The following LRP1B variants were observed in gnomAD, a reference collection of about 807,000 sequenced individuals.
LRP1B encodes the protein low-density lipoprotein receptor-related protein 1B.
LRP1B carries 217 observed loss-of-function variants against 556.6 expected under a neutral mutation model. The ratio of observed to expected loss-of-function variants is 0.39; its 90% CI spans 0.35 to 0.44. LRP1B has a LOEUF of 0.44. LRP1B is among the 20% of genes least tolerant of loss of function. The pLI is 1.00. For missense variants in LRP1B, 5,053 were observed against 5,620.8 expected, an observed-to-expected ratio of 0.90 and a Z score of 3.23; for synonymous variants, 2,047 against 1,865.8, an observed-to-expected ratio of 1.10 and a Z score of -2.50.
chr2:140,390,276 A>G (rs990542961), intron 66 of LRP1B, among the ~76,000 whole-genome samples: 2 of 152,218 alleles, frequency 1.3e-5, no homozygotes, highest in African/African-American at 4.8e-5. Flanking sequence ...AGAATGTACT[A>G]TTGGACAAAA....
chr2:141,929,729 G>C (rs1340659234), intron 1 of LRP1B, among the ~76,000 whole-genome samples: 9 of 151,806 alleles, frequency 5.9e-5, no homozygotes, highest in African/African-American at 2.2e-4. Context: ...TCTTAGGACA[G>C]AACGTATGCA....
At chr2:141,799,631 G>A (rs1558883686) in intron 2 of LRP1B, among the ~76,000 whole-genome samples, 1 of 152,038 alleles carries the variant, frequency 6.6e-6, no homozygotes, top group Non-Finnish European at 1.5e-5. Flanking sequence ...GCCTTGTGAG[G>A]CCTTATGGAT....
chr2:142,030,496 AAATG>A (rs1464298679), intron 1 of LRP1B, among the ~76,000 whole-genome samples: 1 of 151,968 alleles, frequency 6.6e-6, no homozygotes, highest in Admixed American at 6.6e-5. Flanking sequence ...GATACTGAGA[AAATG>A]ATGAAAATGA....
intron 1 of LRP1B, among the ~76,000 whole-genome samples, chr2:142,001,742 C>A (rs537406490): frequency 1.8e-3 from 269 of 152,252 alleles, no homozygotes; most frequent in Non-Finnish European, 2.8e-3. Context: ...TGTCCATAAT[C>A]CAATGGTAAT....
At chr2:140,828,433 C>T (rs569236399) in intron 31 of LRP1B, among the ~76,000 whole-genome samples, 7 of 144,810 alleles carry the variant, frequency 4.8e-5, no homozygotes, top group Non-Finnish European at 1.1e-4. Flanking sequence ...CACGGTGAAA[C>T]CCCGTCTCTA....
intron 2 of LRP1B, among the ~76,000 whole-genome samples, chr2:141,686,843 G>A (rs542829969): frequency 2.0e-5 from 3 of 151,866 alleles, no homozygotes; most frequent in Non-Finnish European, 4.4e-5. Flanking sequence ...TATAGGAAGA[G>A]GAAGACAGAC....
chr2:141,901,467 A>G lies in LRP1B; in HGVS notation c.83-91066T>C, dbSNP rs183797554. Among the ~76,000 whole-genome samples the G allele has an allele frequency of 1.1e-4, 16 of 152,128 alleles. No individual in the cohort carries two copies. The East Asian group carries it at 3.1e-3, about 29-fold the overall frequency. On this transcript the variant is annotated intron_variant, in intron 1 of 90. Transcript: ENST00000389484. ...AACTTTAGGTGTCAGTATAAAAAGC[A>G]TGAACAATTTCTCATGGATAATTTC...
At chr2:141,549,022 G>A (rs1287721455) in intron 2 of LRP1B, among the ~76,000 whole-genome samples, 1 of 152,128 alleles carries the variant, frequency 6.6e-6, no homozygotes, top group Non-Finnish European at 1.5e-5. Context: ...ATGTCATGAT[G>A]AGTTTTTGAA....
chr2:141,392,396 C>T (rs1201068626), intron 3 of LRP1B, among the ~76,000 whole-genome samples: 1 of 126,122 alleles, frequency 7.9e-6, no homozygotes, highest in Non-Finnish European at 1.6e-5. Flanking sequence ...GGTAAAAAAA[C>T]AAATCATCCT....
intron 41 of LRP1B, among the ~76,000 whole-genome samples, chr2:140,604,782 G>A (rs546382163): frequency 3.1e-4 from 47 of 151,822 alleles, no homozygotes; most frequent in Non-Finnish European, 5.0e-4. Context: ...GGACCCAGTC[G>A]GGGGTAATTG....
intron 3 of LRP1B, among the ~76,000 whole-genome samples, chr2:141,450,443 G>T (rs1187174763): frequency 6.6e-6 from 1 of 152,046 alleles, no homozygotes; most frequent in African/African-American, 2.4e-5. Context: ...GGTTACAAAT[G>T]AGTTGATGTG....
At chr2:140,705,565 G>GACAC (rs1369026772) in intron 37 of LRP1B, among the ~76,000 whole-genome samples, 1 of 98,450 alleles carries the variant, frequency 1.0e-5, no homozygotes, top group African/African-American at 4.3e-5. Context: ...AAAAAACACA[G>GACAC]ACACACACAG....
chr2:141,581,294 T>C (rs1686950645), intron 2 of LRP1B, among the ~76,000 whole-genome samples: 1 of 152,222 alleles, frequency 6.6e-6, no homozygotes. Context: ...GAGAATTGTT[T>C]AAAAACGATT....
chr2:140,274,544 C>T lies in LRP1B; in HGVS notation c.13022G>A (p.Gly4341Glu). 2 of 1,612,560 alleles carry T rather than the reference C, an allele frequency of 1.2e-6. No individual in the cohort carries two copies. Among genetic ancestry groups the T allele is most frequent in the Non-Finnish European group, 1.7e-6 (2 of 1,179,048 alleles). Residue 4341 changes from glycine (G) to glutamate (E), a missense_variant, in exon 85 of 91, where the codon GGA becomes GAA. Physicochemically the swap from Gly to Glu is moderately conservative, Grantham distance 98. This residue lies in a region of LRP1B where 551 missense variants were observed against 592.0 expected (regional missense o/e 0.93). Transcript: ENST00000389484. ...CGTTGGACAGACACATTCAACACTT[C>T]CATCATCCCCAATGGTACATGATTC... ...NSESCTIGDDGSVECVCPTRY... is the reference protein window; with the variant it reads ...NSESCTIGDDESVECVCPTRY...
At chr2:140,233,444 T>A in intron 90 of LRP1B, 118 bp from the exon 91 acceptor site, 19 of 590,148 alleles carry the variant, frequency 3.2e-5, no homozygotes, top group Non-Finnish European at 4.9e-5. Flanking sequence ...ACATTTAATT[T>A]ATTAAATAGT....
intron 3 of LRP1B, among the ~76,000 whole-genome samples, chr2:141,315,447 G>A (rs1460860308): frequency 6.6e-6 from 1 of 151,418 alleles, no homozygotes; most frequent in Non-Finnish European, 1.5e-5. Flanking sequence ...TTTTAGTAGA[G>A]ACAGGGTTTC....
chr2:142,026,643 CCAAA>C (rs1370785297), intron 1 of LRP1B, among the ~76,000 whole-genome samples: 2 of 151,880 alleles, frequency 1.3e-5, no homozygotes, highest in Non-Finnish European at 2.9e-5. Flanking sequence ...TATGCTACGG[CCAAA>C]CAAATAAAAA....
chr2:140,595,250 G>A (rs904272433), intron 43 of LRP1B, among the ~76,000 whole-genome samples: 4 of 151,444 alleles, frequency 2.6e-5, no homozygotes, highest in African/African-American at 9.7e-5. Flanking sequence ...ATTTCATGTA[G>A]TAAGTGGAAG....
At chr2:140,467,138 C>T (rs1264250254) in intron 60 of LRP1B, among the ~76,000 whole-genome samples, 1 of 152,034 alleles carries the variant, frequency 6.6e-6, no homozygotes, top group Admixed American at 6.5e-5. Flanking sequence ...TTTTGAAATG[C>T]ATAAAATCAA....
Sources: allele counts gnomAD v4.1 joint callset (sites outside exome capture counted in the v4.1 genomes callset), GRCh38; gene constraint gnomAD v4.1.1; regional missense constraint gnomAD v4.1.1; transcripts MANE v1.5; gene names NCBI Gene and HGNC (gene_info 2026-07-23, HGNC 2026-07-21).